AAK1: variants seen among roughly 807,000 people sequenced by gnomAD.
AAK1 encodes AP2-associated protein kinase 1.
In AAK1, 37 loss-of-function variants were observed where a neutral mutation model predicts 116.0. The ratio of observed to expected loss-of-function variants is 0.32; its 90% CI spans 0.25 to 0.42. AAK1 has a LOEUF of 0.42. Ranked by LOEUF, AAK1 falls within the 10% of genes least tolerant of loss-of-function variation. The probability of loss-of-function intolerance (pLI) is 1.00; values close to 1 mark genes in which losing one functional copy is unlikely to be tolerated. For missense variants in AAK1, 919 were observed against 1,170.6 expected, an observed-to-expected ratio of 0.79 and a Z score of 3.14; for synonymous variants, 458 against 439.9, an observed-to-expected ratio of 1.04 and a Z score of -0.51.
chr2:69,521,539 A>G (rs1275209085), intron 10 of AAK1, among the ~76,000 whole-genome samples: 1 of 152,256 alleles, frequency 6.6e-6, no homozygotes, highest in East Asian at 1.9e-4. Flanking sequence ...GGGTTTAAAA[A>G]TAAAAAGGAA....
chr2:69,582,565 C>T (rs1672592929), intron 2 of AAK1, among the ~76,000 whole-genome samples: 1 of 152,166 alleles, frequency 6.6e-6, no homozygotes, highest in Admixed American at 6.5e-5. Flanking sequence ...CCTAAAAAGA[C>T]CTGCTACTGG....
chr2:69,537,843 T>C (rs767616470), intron 5 of AAK1, among the ~76,000 whole-genome samples: 1 of 151,690 alleles, frequency 6.6e-6, no homozygotes, highest in Non-Finnish European at 1.5e-5. Context: ...ATCTGGGGAG[T>C]CAATGACTAA....
intron 13 of AAK1, among the ~76,000 whole-genome samples, chr2:69,512,468 A>T (rs937937405): frequency 6.6e-6 from 1 of 152,206 alleles, no homozygotes; most frequent in South Asian, 2.1e-4. Context: ...GTTTCTCAGC[A>T]ATTTAGGTTG....
chr2:69,582,989 C>T (rs946971652), intron 2 of AAK1, among the ~76,000 whole-genome samples: 1 of 152,152 alleles, frequency 6.6e-6, no homozygotes, highest in Non-Finnish European at 1.5e-5. Context: ...AGCCACAGAA[C>T]TCCTGGCAGC....
At chr2:69,563,756 A>C (rs1244660405) in intron 2 of AAK1, among the ~76,000 whole-genome samples, 6 of 152,252 alleles carry the variant, frequency 3.9e-5, no homozygotes, top group Admixed American at 2.0e-4. Flanking sequence ...AGCAGAAAAC[A>C]AGCATAAAAT....
At chr2:69,516,226 G>A (rs1676573342) in intron 12 of AAK1, among the ~76,000 whole-genome samples, 1 of 150,972 alleles carries the variant, frequency 6.6e-6, no homozygotes, top group Non-Finnish European at 1.5e-5. Flanking sequence ...ATCTTAAACT[G>A]TTTTCAGTAA....
intron 2 of AAK1, among the ~76,000 whole-genome samples, chr2:69,603,954 G>A (rs1673688644): frequency 6.6e-6 from 1 of 152,136 alleles, no homozygotes; most frequent in South Asian, 2.1e-4. Flanking sequence ...GGTATTTTCC[G>A]ATAATAAGAG....
At chr2:69,492,582 G>C (rs1675571214) in intron 17 of AAK1, among the ~76,000 whole-genome samples, 1 of 145,904 alleles carries the variant, frequency 6.9e-6, no homozygotes, top group South Asian at 2.2e-4. Flanking sequence ...GAGTGGAGGA[G>C]TGTGACCTCA....
intron 2 of AAK1, among the ~76,000 whole-genome samples, chr2:69,612,218 T>A (rs1030603909): frequency 2.3e-4 from 35 of 151,894 alleles, no homozygotes; most frequent in African/African-American, 8.5e-4. Context: ...AGAAAAAAAA[T>A]AATGTGAATG....
Position 69,581,137 on chromosome 2 carries a change from G to A in AAK1, c.164-24159C>T, listed in dbSNP as rs187875657. On this transcript the variant is annotated intron_variant, in intron 2 of 21. Coordinates refer to ENST00000409085, the MANE Select transcript of AAK1 (RefSeq NM_014911.5). ...ATTTTATTTATTTATTTATTGAGAC[G>A]GAATCTCACTCTGTCTCCCAGGCTG... Among the ~76,000 whole-genome samples, 17 of 152,084 alleles carry A rather than the reference G, an allele frequency of 1.1e-4. No homozygotes were observed. The East Asian group carries it at 1.4e-3, about 12-fold the overall frequency.
At chr2:69,586,085 A>G (rs1286066960) in intron 2 of AAK1, among the ~76,000 whole-genome samples, 1 of 152,194 alleles carries the variant, frequency 6.6e-6, no homozygotes, top group Non-Finnish European at 1.5e-5. Flanking sequence ...GTCTACAAGA[A>G]CACTGTGAGA....
At chr2:69,597,707 CA>C (rs34117119) in intron 2 of AAK1, 41,303 of 146,822 alleles carry the variant, frequency 0.28, 6,059 homozygotes, top group East Asian at 0.56. Flanking sequence ...CCATCTCTAC[CA>C]AAAAAAAAAA....
intron 2 of AAK1, among the ~76,000 whole-genome samples, chr2:69,589,726 AAAAG>A (rs1361616506): frequency 3.4e-5 from 5 of 147,052 alleles, no homozygotes; most frequent in East Asian, 2.0e-4. Context: ...AAAAAAAAAA[AAAAG>A]AAAGAAAGAA....
chr2:69,549,889 T>C (rs1355347910), intron 3 of AAK1, among the ~76,000 whole-genome samples: 1 of 152,258 alleles, frequency 6.6e-6, no homozygotes, highest in African/African-American at 2.4e-5. Flanking sequence ...TATGACTCAA[T>C]GCAGTTACTA....
intron 2 of AAK1, among the ~76,000 whole-genome samples, chr2:69,631,652 C>G (rs1342739859): frequency 1.3e-5 from 2 of 152,190 alleles, no homozygotes; most frequent in Non-Finnish European, 2.9e-5. Flanking sequence ...CAAAAGGAAT[C>G]CTCTTTCCTA....
Position 69,465,944 on chromosome 2 carries a change from T to C in AAK1, c.*9925A>G, listed in dbSNP as rs79314499. The C allele has an allele frequency of 5.1e-4, 654 of 1,290,778 alleles. 5 individuals carry two copies. In the African/African-American group the frequency reaches 7.5e-3, roughly 15 times the overall value. 80.0% of individuals were successfully genotyped at this position (1,290,778 alleles called of 1,614,324 possible). A position where few individuals can be genotyped will look rare whatever the true frequency, so the allele number is the denominator to read the frequency against. On this transcript the variant is annotated 3_prime_UTR_variant, in exon 22 of 22. Coordinates refer to ENST00000409085, the MANE Select transcript of AAK1 (RefSeq NM_014911.5). ...GTGCAGGCAGCTCCTGGGAGGTGCA[T>C]TGGATAACTGTTAACTCCTCCATGC...
chr2:69,506,028 G>T (rs1188881879), intron 15 of AAK1, among the ~76,000 whole-genome samples: 2 of 152,138 alleles, frequency 1.3e-5, no homozygotes, highest in Non-Finnish European at 2.9e-5. Context: ...CAGCTCTAAT[G>T]AGTTTGATGA....
At chr2:69,490,551 G>A (rs1309486104) in intron 17 of AAK1, among the ~76,000 whole-genome samples, 1 of 152,004 alleles carries the variant, frequency 6.6e-6, no homozygotes, top group Non-Finnish European at 1.5e-5. Flanking sequence ...AATGAAATAA[G>A]CCAGTCACAA....
chr2:69,595,080 A>T, intron 2 of AAK1: 1 of 687,082 alleles, frequency 1.5e-6, no homozygotes, highest in Non-Finnish European at 2.7e-6. Flanking sequence ...CACTATCAGC[A>T]TGGAAAAAGC....
Sources: allele counts gnomAD v4.1 joint callset (sites outside exome capture counted in the v4.1 genomes callset), GRCh38; gene constraint gnomAD v4.1.1; transcripts MANE v1.5; gene names NCBI Gene and HGNC (gene_info 2026-07-23, HGNC 2026-07-21).